Variants in EBF3 observed in about 807,000 individuals in gnomAD.
EBF3 encodes transcription factor COE3.
Under a neutral mutation model 77.1 loss-of-function variants are expected in EBF3, and 18 were observed. The observed-to-expected ratio is 0.23, with a 90% CI of 0.16 to 0.35. EBF3 has a LOEUF of 0.35. EBF3 is among the 10% of genes least tolerant of loss of function. The pLI, the probability that EBF3 is intolerant of heterozygous loss-of-function variation, is 1.00. For synonymous variants in EBF3, 350 were observed against 343.5 expected, an observed-to-expected ratio of 1.02 and a Z score of -0.21; for missense variants, 558 against 860.0, an observed-to-expected ratio of 0.65 and a Z score of 4.39.
Position 129,840,320 on chromosome 10 carries a change from C to G in EBF3, c.1684G>C (p.Ala562Pro). 6.3e-7 allele frequency: 1 copy of G among 1,589,566 alleles called. No homozygotes were observed. ...TGGGGCCGGACCACGGGCGCGAAGG[C>G]GCTCTTCTGTTTCACTGCGGAGATG... is the stretch of plus-strand genomic sequence containing the variant. ...NVISAVKQKS[A>P]FAPVVRPQAS... is the part of the protein sequence containing the mutation. Residue 562 changes from alanine (A) to proline (P), a missense_variant, in exon 15 of 17, where the codon GCC becomes CCC. By Grantham distance (27) the Ala-to-Pro change is conservative (BLOSUM62 -1). Transcript: ENST00000440978.
intron 6 of EBF3, among the ~76,000 whole-genome samples, chr10:129,908,338 A>G (rs775730275): frequency 3.3e-5 from 5 of 152,214 alleles, no homozygotes; most frequent in African/African-American, 7.2e-5. Flanking sequence ...GTGGACAATT[A>G]CTATTGGCAT....
intron 6 of EBF3, among the ~76,000 whole-genome samples, chr10:129,931,576 C>T (rs909122633): frequency 6.6e-6 from 1 of 152,264 alleles, no homozygotes; most frequent in East Asian, 1.9e-4. Context: ...CGACTGTGAG[C>T]GCCCTGAGGG....
Position 129,943,837 on chromosome 10 carries a change from C to T in EBF3, c.554+13421G>A, listed in dbSNP as rs925283281. Among the ~76,000 whole-genome samples the T allele has an allele frequency of 6.6e-6, 1 of 152,198 alleles. No homozygotes were observed. Among genetic ancestry groups the T allele is most frequent in the African/African-American group, 2.4e-5 (1 of 41,440 alleles). ...GAGCAGTTTTTTTCTGTGCTGAGCT[C>T]TCTGGAACCATATGTTCAGCAACGT... On this transcript the variant is annotated intron_variant, in intron 6 of 16. Transcript: ENST00000440978. The surrounding 1 kb of genome is among the most constrained non-coding windows in gnomAD (Gnocchi z 8.8).
intron 16 of EBF3, among the ~76,000 whole-genome samples, chr10:129,838,601 C>G (rs1210609684): frequency 6.6e-6 from 1 of 152,186 alleles, no homozygotes; most frequent in Non-Finnish European, 1.5e-5. Flanking sequence ...GACCTTTTTT[C>G]TCTTCTCAGG....
In EBF3 at chr10:129,885,234, C is replaced by T. The variant is rs567509585; in HGVS notation, c.555-7385G>A. 6.2e-4 allele frequency among the ~76,000 whole-genome samples: 94 copies of T among 152,232 alleles called. 2 individuals are homozygous for T. In the South Asian group the frequency reaches 0.017, roughly 28 times the overall value. On this transcript the variant is annotated intron_variant, in intron 6 of 16. Transcript: ENST00000440978. This position sits in a 1 kb window ranked among gnomAD's most constrained non-coding sequence, Gnocchi z 4.0. ...ATCTGATGGGATTTAATGGCTTTGC[C>T]GGCCAGTTCAATATCCCCTTCCAGA...
chr10:129,945,830 T>C (rs1045780131), intron 6 of EBF3, among the ~76,000 whole-genome samples: 1 of 152,166 alleles, frequency 6.6e-6, no homozygotes, highest in Admixed American at 6.5e-5. Context: ...TGATCATTAT[T>C]TTCGCCTAAA....
intron 6 of EBF3, among the ~76,000 whole-genome samples, chr10:129,893,999 G>A (rs1043034122): frequency 9.2e-5 from 14 of 152,174 alleles, no homozygotes; most frequent in Admixed American, 5.9e-4. Flanking sequence ...TCCCCAACTC[G>A]TGTGGCTGGA....
intron 6 of EBF3, among the ~76,000 whole-genome samples, chr10:129,914,661 C>T (rs991677586): frequency 5.9e-5 from 9 of 152,290 alleles, no homozygotes; most frequent in East Asian, 3.9e-4. Context: ...ACCCACTGTG[C>T]GGCCGGTCCA....
chr10:129,839,855 C>A (rs1195424084), intron 15 of EBF3, among the ~76,000 whole-genome samples: 1 of 152,220 alleles, frequency 6.6e-6, no homozygotes, highest in African/African-American at 2.4e-5. Flanking sequence ...AGGGCAGCAT[C>A]CTGCGCTGAG....
intron 6 of EBF3, among the ~76,000 whole-genome samples, chr10:129,892,986 G>A (rs191370682): frequency 5.1e-4 from 77 of 152,318 alleles, no homozygotes; most frequent in Admixed American, 3.3e-3. Context: ...TGGCACACAC[G>A]GTTCGGAACA....
intron 10 of EBF3, among the ~76,000 whole-genome samples, chr10:129,866,437 T>C (rs767758838): frequency 7.2e-5 from 11 of 152,348 alleles, no homozygotes; most frequent in Middle Eastern, 6.8e-3. Flanking sequence ...AGTTACGGCA[T>C]TTCTCAACAG....
Position 129,935,102 on chromosome 10 carries a change from C to T in EBF3, c.554+22156G>A, listed in dbSNP as rs1001917506. 6.6e-6 allele frequency among the ~76,000 whole-genome samples: 1 copy of T among 152,084 alleles called. No individual in the cohort carries two copies. The highest frequency in any genetic ancestry group is 6.5e-5 in the Admixed American group (1 of 15,268). ...AACACATTAGCTGTAGCTGGTGGTC[C>T]GGTTCCCTAAGAACCGGACCCTCTA... is the stretch of plus-strand genomic sequence containing the variant. On this transcript the variant is annotated intron_variant, in intron 6 of 16. Transcript: ENST00000440978. This position sits in a 1 kb window ranked among gnomAD's most constrained non-coding sequence, Gnocchi z 4.2.
chr10:129,848,560 A>C lies in EBF3; in HGVS notation c.1040-80T>G. 1 of 1,442,058 alleles carries C rather than the reference A, an allele frequency of 6.9e-7. No individual in the cohort carries two copies. The highest frequency in any genetic ancestry group is 9.8e-7 in the Non-Finnish European group (1 of 1,023,696). 89.3% of individuals were successfully genotyped at this position (1,442,058 alleles called of 1,614,324 possible). A position where few individuals can be genotyped will look rare whatever the true frequency, so the allele number is the denominator to read the frequency against. On this transcript the variant is annotated intron_variant, in intron 10 of 16. Coordinates refer to ENST00000440978, the MANE Select transcript of EBF3 (RefSeq NM_001375380.1). This position sits in a 1 kb window ranked among gnomAD's most constrained non-coding sequence, Gnocchi z 4.4. ...ACTCGTTTATTGCACACTTACAAATAAATGTGTAGTTCTCCTGCTCTGATG... is the reference window on the plus strand; with the variant it reads ...ACTCGTTTATTGCACACTTACAAATCAATGTGTAGTTCTCCTGCTCTGATG...
At chr10:129,906,929 C>T (rs182470970) in intron 6 of EBF3, among the ~76,000 whole-genome samples, 12 of 152,256 alleles carry the variant, frequency 7.9e-5, no homozygotes, top group Admixed American at 2.6e-4. Flanking sequence ...GTTGCCTCTC[C>T]GCAGCCCTGC....
intron 6 of EBF3, among the ~76,000 whole-genome samples, chr10:129,906,688 A>C (rs1554915016): frequency 6.6e-6 from 1 of 152,192 alleles, no homozygotes; most frequent in African/African-American, 2.4e-5. Flanking sequence ...CTTGAAAAAA[A>C]CGTCAGGCTA....
intron 10 of EBF3, among the ~76,000 whole-genome samples, chr10:129,854,734 T>G (rs1230819522): frequency 1.3e-5 from 2 of 152,282 alleles, no homozygotes; most frequent in African/African-American, 4.8e-5. Context: ...TGTGTTTTCC[T>G]CTCAAAGTCA....
chr10:129,843,437 T>A lies in EBF3; in HGVS notation c.1129-235A>T, dbSNP rs574886945. 14 of 479,068 alleles carry A rather than the reference T, an allele frequency of 2.9e-5. No homozygotes were observed. In the Admixed American group the frequency reaches 3.6e-4, roughly 12 times the overall value. The allele number at this position is 479,068 out of a possible 1,614,324, so 29.7% of individuals were successfully genotyped here. On this transcript the variant is annotated intron_variant, in intron 11 of 16. Coordinates refer to ENST00000440978, the MANE Select transcript of EBF3 (RefSeq NM_001375380.1). ...AAAAGCGTTTTCTGTGGCTCCTCCATCCGGTTGGGCTCACAGAGGTGCACG... is the reference window on the plus strand; with the variant it reads ...AAAAGCGTTTTCTGTGGCTCCTCCAACCGGTTGGGCTCACAGAGGTGCACG...
At chr10:129,958,372 T>C (rs1302244837) in intron 5 of EBF3, among the ~76,000 whole-genome samples, 1 of 152,284 alleles carries the variant, frequency 6.6e-6, no homozygotes. Context: ...GAAACTCTTG[T>C]GGTAGTTAGA....
intron 6 of EBF3, among the ~76,000 whole-genome samples, chr10:129,953,006 G>A (rs1589948737): frequency 6.8e-6 from 1 of 146,906 alleles, no homozygotes; most frequent in South Asian, 2.2e-4. Context: ...CTTTGTGACA[G>A]GAAGTGAAAG....
Sources: allele counts gnomAD v4.1 joint callset (sites outside exome capture counted in the v4.1 genomes callset), GRCh38; gene constraint gnomAD v4.1.1; non-coding constraint Gnocchi (gnomAD v3.1); transcripts MANE v1.5; gene names NCBI Gene and HGNC (gene_info 2026-07-23, HGNC 2026-07-21).